Variants in DNMT1 observed in about 807,000 individuals in gnomAD.
The protein encoded by DNMT1 is DNA (cytosine-5)-methyltransferase 1.
Under a neutral mutation model 205.3 loss-of-function variants are expected in DNMT1, and 24 were observed. The ratio of observed to expected loss-of-function variants is 0.12; its 90% CI spans 0.08 to 0.16. DNMT1 has a LOEUF of 0.16. DNMT1 is among the 10% of genes least tolerant of loss of function. The pLI is 1.00. For missense variants in DNMT1, 1,293 were observed against 2,177.7 expected, an observed-to-expected ratio of 0.59 and a Z score of 8.09; for synonymous variants, 817 against 839.8, an observed-to-expected ratio of 0.97 and a Z score of 0.47.
At chr19:10,148,753 TG>T (rs1374598419) in intron 27 of DNMT1, 130 bp downstream of exon 27, 30 of 1,496,086 alleles carry the variant, frequency 2.0e-5, no homozygotes, top group African/African-American at 1.5e-4. Flanking sequence ...ATAGTCAGGC[TG>T]GCCTTTGACG....
chr19:10,171,684 G>T (rs968641163), intron 9 of DNMT1, among the ~76,000 whole-genome samples: 2 of 151,130 alleles, frequency 1.3e-5, no homozygotes, highest in African/African-American at 4.9e-5. Context: ...AGGCGCCTGT[G>T]GTCCCAGCTA....
chr19:10,154,129 T>C lies in DNMT1; in HGVS notation c.2019+164A>G, dbSNP rs1051675020. Among the ~76,000 whole-genome samples the C allele has an allele frequency of 8.5e-5, 13 of 152,124 alleles. No individual in the cohort carries two copies. On this transcript the variant is annotated intron_variant, in intron 22 of 40. Transcript: ENST00000359526. This position sits in a 1 kb window ranked among gnomAD's most constrained non-coding sequence, Gnocchi z 6.3. ...GGACATCTGTCCTATTGACGTTCAA[T>C]GAAGTATGCAGGGTCCTCCCAGACC...
chr19:10,138,123 C>T lies in DNMT1; in HGVS notation c.4116-114G>A. The T allele has an allele frequency of 1.5e-6, 2 of 1,318,262 alleles. No homozygotes were observed. Among genetic ancestry groups the T allele is most frequent in the Non-Finnish European group, 2.1e-6 (2 of 948,690 alleles). 81.7% of individuals were successfully genotyped at this position (1,318,262 alleles called of 1,614,324 possible). ...GCCTTCTCCCGAGATCACAGCACTG[C>T]CCGAGGTCACATGGGTGGCAGTGTG... On this transcript the variant is annotated intron_variant, in intron 35 of 40. Coordinates refer to ENST00000359526, the MANE Select transcript of DNMT1 (RefSeq NM_001130823.3). The surrounding 1 kb of genome is among the most constrained non-coding windows in gnomAD (Gnocchi z 4.1).
At chr19:10,191,718 G>C (rs544509622) in intron 1 of DNMT1, among the ~76,000 whole-genome samples, 1 of 152,120 alleles carries the variant, frequency 6.6e-6, no homozygotes, top group African/African-American at 2.4e-5. Flanking sequence ...AATAATGGCC[G>C]GGCCCTGTGG....
intron 9 of DNMT1, among the ~76,000 whole-genome samples, chr19:10,170,450 C>A (rs568739698): frequency 2.6e-5 from 4 of 152,168 alleles, no homozygotes; most frequent in Non-Finnish European, 5.9e-5. Context: ...ACCAGCCTAG[C>A]CAACATGGTG....
intron 7 of DNMT1, among the ~76,000 whole-genome samples, chr19:10,174,111 G>A (rs1390222593): frequency 2.0e-5 from 3 of 152,168 alleles, no homozygotes; most frequent in Admixed American, 6.6e-5. Flanking sequence ...AAGCAGGTCC[G>A]AGAAGTAGGC....
In DNMT1 at chr19:10,152,732, G is replaced by C. The variant is rs1219427207; in HGVS notation, c.2020-885C>G. ...GCTACAATCATGCCACTGCATTCCA[G>C]ACTGGGTGACAGAACGAGACCCATC... On this transcript the variant is annotated intron_variant, in intron 22 of 40. Coordinates refer to ENST00000359526, the MANE Select transcript of DNMT1 (RefSeq NM_001130823.3). Among the ~76,000 whole-genome samples the C allele has an allele frequency of 2.0e-5, 3 of 151,962 alleles. No individual in the cohort carries two copies. The East Asian group carries it at 5.8e-4, about 29-fold the overall frequency.
intron 11 of DNMT1, among the ~76,000 whole-genome samples, chr19:10,165,689 A>G (rs955909585): frequency 6.6e-6 from 1 of 152,154 alleles, no homozygotes; most frequent in Non-Finnish European, 1.5e-5. Context: ...CACCATGCCC[A>G]GCCCTCACAT....
chr19:10,148,973 C>T lies in DNMT1; in HGVS notation c.2631G>A (p.Lys877=), dbSNP rs758032585. The T allele has an allele frequency of 1.1e-5, 17 of 1,614,078 alleles. No homozygotes were observed. Among genetic ancestry groups the T allele is most frequent in the African/African-American group, 1.3e-5 (1 of 74,926 alleles). ...PESLLEGDDG[K]TYFYQLWYDQ... is the part of the protein sequence containing the mutation. ...CATACCACAGCTGGTAGAAGTAGGT[C>T]TTCCCGTCGTCCCCCTCCAGCAGGG... The change falls in exon 27 of 41, where the codon AAG becomes AAA. Residue 877 remains lysine (K), a synonymous_variant. Coordinates refer to ENST00000359526, the MANE Select transcript of DNMT1 (RefSeq NM_001130823.3).
intron 34 of DNMT1, among the ~76,000 whole-genome samples, chr19:10,139,331 G>A (rs1462486317): frequency 2.0e-5 from 3 of 152,302 alleles, no homozygotes; most frequent in Admixed American, 6.5e-5. Flanking sequence ...TTCCCCTCCC[G>A]CTCTGTGCAG....
chr19:10,155,975 GCT>G, intron 18 of DNMT1, 30 bp from the exon 19 acceptor site: 1 of 1,603,470 alleles, frequency 6.2e-7, no homozygotes, highest in African/African-American at 1.3e-5. Context: ...TGGACTAAAG[GCT>G]CTGACTCACA....
intron 29 of DNMT1, among the ~76,000 whole-genome samples, chr19:10,143,143 G>A (rs950977893): frequency 3.9e-5 from 6 of 152,240 alleles, no homozygotes; most frequent in Non-Finnish European, 5.9e-5. Context: ...CCTGGGAAGA[G>A]GTGGGGACAG....
chr19:10,146,264 C>G lies in DNMT1; in HGVS notation c.2894+87G>C. On this transcript the variant is annotated intron_variant, in intron 28 of 40. Transcript: ENST00000359526. The surrounding 1 kb of genome is among the most constrained non-coding windows in gnomAD (Gnocchi z 4.4). ...ACAACAGCTGGTGCGGAGGGATTGG[C>G]AATGTCTGTAAGGAGGGGGACACCA... is the stretch of plus-strand genomic sequence containing the variant. The G allele has an allele frequency of 2.6e-6, 4 of 1,516,094 alleles. No homozygotes were observed. The highest frequency in any genetic ancestry group is 3.6e-6 in the Non-Finnish European group (4 of 1,110,864). The allele number at this position is 1,516,094 out of a possible 1,614,324, so 93.9% of individuals were successfully genotyped here. A position where few individuals can be genotyped will look rare whatever the true frequency, so the allele number is the denominator to read the frequency against.
At chr19:10,148,451 G>A (rs1331430031) in intron 27 of DNMT1, among the ~76,000 whole-genome samples, 4 of 143,964 alleles carry the variant, frequency 2.8e-5, no homozygotes, top group African/African-American at 1.0e-4. Flanking sequence ...AGCCAAGATC[G>A]CACCACTGCA....
At chr19:10,161,729 G>A (rs960536458) in intron 13 of DNMT1, among the ~76,000 whole-genome samples, 58 of 152,202 alleles carry the variant, frequency 3.8e-4, no homozygotes, top group African/African-American at 1.3e-3. Flanking sequence ...AAATTCATAT[G>A]TTAAGACTAA....
chr19:10,147,321 G>C (rs562629820), intron 27 of DNMT1, among the ~76,000 whole-genome samples: 1 of 151,602 alleles, frequency 6.6e-6, no homozygotes, highest in African/African-American at 2.4e-5. Flanking sequence ...AAATAAATAA[G>C]TAAATGAGGT....
intron 12 of DNMT1, chr19:10,163,054 T>A: frequency 2.0e-6 from 1 of 508,360 alleles, no homozygotes; most frequent in Non-Finnish European, 3.5e-6. Flanking sequence ...AACCTCCACC[T>A]CCTGGCTTCT....
chr19:10,154,265 G>T lies in DNMT1; in HGVS notation c.2019+28C>A. On this transcript the variant is annotated intron_variant, in intron 22 of 40. Coordinates refer to ENST00000359526, the MANE Select transcript of DNMT1 (RefSeq NM_001130823.3). The surrounding 1 kb of genome is among the most constrained non-coding windows in gnomAD (Gnocchi z 6.3). The stretch of plus-strand genomic sequence containing the variant: ...GGCCAGAGGCTGGGCCACCTTAGGG[G>T]AGCGGGAGCACCCACAGGTGAGGTT... The T allele has an allele frequency of 6.2e-7, 1 of 1,612,612 alleles. No homozygotes were observed. The highest frequency in any genetic ancestry group is 1.1e-5 in the South Asian group (1 of 91,022).
Position 10,133,640 on chromosome 19 carries a change from A to T in DNMT1, c.*27T>A. The T allele has an allele frequency of 6.3e-7, 1 of 1,594,452 alleles. No homozygotes were observed. The highest frequency in any genetic ancestry group is 1.7e-5 in the Admixed American group (1 of 57,778). Reference sequence around the variant, plus strand: ...GTGCATGTTGGGGATTCCTGGTGCCAGAAACAGGGGTGACGGGAGGGCAGA... The same window carrying T: ...GTGCATGTTGGGGATTCCTGGTGCCTGAAACAGGGGTGACGGGAGGGCAGA... On this transcript the variant is annotated 3_prime_UTR_variant, in exon 41 of 41. Coordinates refer to ENST00000359526, the MANE Select transcript of DNMT1 (RefSeq NM_001130823.3). This position sits in a 1 kb window ranked among gnomAD's most constrained non-coding sequence, Gnocchi z 4.1.
Sources: gnomAD v4.1 joint callset for allele counts (sites outside exome capture counted in the v4.1 genomes callset) on GRCh38, gnomAD v4.1.1 for gene constraint, Gnocchi (gnomAD v3.1) non-coding constraint, MANE v1.5 for transcripts, NCBI Gene and HGNC (gene_info 2026-07-23, HGNC 2026-07-21) for gene names.